ABCA12: variants seen among roughly 807,000 people sequenced by gnomAD.
ABCA12 encodes ATP binding cassette subfamily A member 12.
In ABCA12, 156 loss-of-function variants were observed where a neutral mutation model predicts 293.5. That is an observed-to-expected ratio of 0.53 (90% CI 0.47 to 0.61). The LOEUF (loss-of-function observed/expected upper bound fraction) is 0.61. Among genes scored for constraint, ABCA12 ranks in the 20% least tolerant of loss-of-function variants. ABCA12 has a pLI of 0.00. For missense variants in ABCA12, 2,797 were observed against 3,090.2 expected, an observed-to-expected ratio of 0.91 and a Z score of 2.25; for synonymous variants, 1,063 against 1,108.0, an observed-to-expected ratio of 0.96 and a Z score of 0.81.
chr2:215,124,927 T>C (rs1702890319), intron 1 of ABCA12, among the ~76,000 whole-genome samples: 1 of 152,244 alleles, frequency 6.6e-6, no homozygotes, highest in Non-Finnish European at 1.5e-5. Context: ...CTAGAATTTT[T>C]ATAGTTTCAG....
chr2:214,999,533 T>A (rs1218965874), intron 22 of ABCA12, among the ~76,000 whole-genome samples: 1 of 152,198 alleles, frequency 6.6e-6, no homozygotes, highest in East Asian at 1.9e-4. Flanking sequence ...TATATGTGTG[T>A]AAGGCATAAT....
At chr2:215,071,520 G>C (rs1424222271) in intron 2 of ABCA12, among the ~76,000 whole-genome samples, 3 of 152,194 alleles carry the variant, frequency 2.0e-5, no homozygotes, top group African/African-American at 7.2e-5. Flanking sequence ...GAATCTTGGA[G>C]GAGGAAAGAG....
At chr2:215,115,176 GT>G (rs763688727) in intron 1 of ABCA12, among the ~76,000 whole-genome samples, 2 of 152,136 alleles carry the variant, frequency 1.3e-5, no homozygotes, top group Non-Finnish European at 2.9e-5. Flanking sequence ...TTATTACAAG[GT>G]TTCCCTGGGA....
At chr2:215,134,581 C>G (rs1390316049) in intron 1 of ABCA12, among the ~76,000 whole-genome samples, 1 of 70,014 alleles carries the variant, frequency 1.4e-5, no homozygotes, top group Admixed American at 1.4e-4. Flanking sequence ...TATATAATCT[C>G]TCTCTCTCTC....
chr2:214,979,766 G>T (rs1699606268), intron 31 of ABCA12, among the ~76,000 whole-genome samples: 1 of 152,072 alleles, frequency 6.6e-6, no homozygotes, highest in Non-Finnish European at 1.5e-5. Context: ...GTCTGAATGA[G>T]TATAATAATT....
intron 7 of ABCA12, among the ~76,000 whole-genome samples, chr2:215,044,200 G>A (rs1283363612): frequency 1.3e-5 from 2 of 151,958 alleles, no homozygotes; most frequent in Admixed American, 6.5e-5. Flanking sequence ...AGCCTCATAC[G>A]GATCTACTGT....
intron 33 of ABCA12, 88 bp from the exon 34 acceptor site, chr2:214,976,125 T>C: frequency 6.6e-7 from 1 of 1,520,560 alleles, no homozygotes; most frequent in East Asian, 2.4e-5. Context: ...AATGGTATAA[T>C]ACACTGTGGT....
intron 46 of ABCA12, 103 bp downstream of exon 46, chr2:214,948,937 G>A: frequency 8.3e-7 from 1 of 1,209,170 alleles, no homozygotes; most frequent in Middle Eastern, 1.9e-4. Context: ...CTCCCCTAAG[G>A]ACTGAATAAT....
rs1023866660 is a variant in ABCA12, at chr2:215,138,510, G to A, written c.-302C>T. 5.1e-6 allele frequency: 2 copies of A among 388,362 alleles called. No individual in the cohort carries two copies. The highest frequency in any genetic ancestry group is 9.7e-6 in the Non-Finnish European group (2 of 205,506). 24.1% of individuals were successfully genotyped at this position (388,362 alleles called of 1,614,324 possible). A position where few individuals can be genotyped will look rare whatever the true frequency, so the allele number is the denominator to read the frequency against. On this transcript the variant is annotated 5_prime_UTR_variant, in exon 1 of 53. Coordinates refer to ENST00000272895, the MANE Select transcript of ABCA12 (RefSeq NM_173076.3). Reference sequence around the variant, plus strand: ...AATATCCAGTTGCTGCTTGTTGCACGAAGTCCAGACTCAAGAGAGAATGAG... The same window carrying A: ...AATATCCAGTTGCTGCTTGTTGCACAAAGTCCAGACTCAAGAGAGAATGAG...
At chr2:214,956,380 T>G (rs1052783541) in intron 42 of ABCA12, among the ~76,000 whole-genome samples, 4 of 152,320 alleles carry the variant, frequency 2.6e-5, no homozygotes, top group Non-Finnish European at 4.4e-5. Context: ...AAGCTTTCAT[T>G]TTTATGTAAA....
intron 41 of ABCA12, 62 bp from the exon 42 acceptor site, chr2:214,956,840 C>G: frequency 8.9e-7 from 1 of 1,117,954 alleles, no homozygotes; most frequent in Non-Finnish European, 1.4e-6. Context: ...AAAAAAAAAT[C>G]AATAACCCAT....
At chr2:215,078,443 A>C (rs1410622973) in intron 2 of ABCA12, among the ~76,000 whole-genome samples, 1 of 152,194 alleles carries the variant, frequency 6.6e-6, no homozygotes, top group Non-Finnish European at 1.5e-5. Context: ...GCTATCATAG[A>C]ATTCTTGTTA....
intron 1 of ABCA12, among the ~76,000 whole-genome samples, chr2:215,116,021 T>C (rs907058883): frequency 1.3e-5 from 2 of 152,212 alleles, no homozygotes; most frequent in Non-Finnish European, 2.9e-5. Context: ...GGAGTCAGGC[T>C]TCTCACTGTC....
At chr2:215,052,089 A>G (rs946781265) in intron 5 of ABCA12, among the ~76,000 whole-genome samples, 8 of 152,150 alleles carry the variant, frequency 5.3e-5, no homozygotes, top group African/African-American at 1.9e-4. Flanking sequence ...ACTTTGGGGC[A>G]ATATTTTCCT....
intron 15 of ABCA12, among the ~76,000 whole-genome samples, chr2:215,012,385 A>G (rs1334592301): frequency 1.8e-4 from 27 of 152,238 alleles, no homozygotes; most frequent in Non-Finnish European, 2.9e-5. Context: ...ATAGCCAAAA[A>G]GGGAAAACAA....
intron 2 of ABCA12, among the ~76,000 whole-genome samples, chr2:215,107,016 T>G (rs1702476683): frequency 6.6e-6 from 1 of 152,230 alleles, no homozygotes; most frequent in African/African-American, 2.4e-5. Flanking sequence ...TATGGTCATA[T>G]TTGCACAGTA....
intron 2 of ABCA12, among the ~76,000 whole-genome samples, chr2:215,108,080 T>C (rs1702498942): frequency 6.6e-6 from 1 of 152,044 alleles, no homozygotes; most frequent in Non-Finnish European, 1.5e-5. Flanking sequence ...GGACCCACCA[T>C]GGCTGAGTTT....
intron 3 of ABCA12, among the ~76,000 whole-genome samples, chr2:215,062,583 T>A (rs961696055): frequency 8.6e-5 from 13 of 152,036 alleles, no homozygotes; most frequent in Non-Finnish European, 1.8e-4. Flanking sequence ...CGTATCCCAA[T>A]CCGTTTCCTC....
intron 7 of ABCA12, among the ~76,000 whole-genome samples, chr2:215,039,949 C>T (rs969936848): frequency 3.3e-5 from 5 of 151,888 alleles, no homozygotes; most frequent in Non-Finnish European, 7.4e-5. Context: ...AGTGCAGATG[C>T]TAAATTTTAA....
Sources: gnomAD v4.1 joint callset for allele counts (sites outside exome capture counted in the v4.1 genomes callset) on GRCh38, gnomAD v4.1.1 for gene constraint, MANE v1.5 for transcripts, NCBI Gene and HGNC (gene_info 2026-07-23, HGNC 2026-07-21) for gene names.